FAM107A: variants seen among roughly 807,000 people sequenced by gnomAD.
FAM107A encodes the protein family with sequence similarity 107 member A.
A neutral mutation model predicts 13.7 loss-of-function variants in FAM107A; 19 were observed. The ratio of observed to expected loss-of-function variants is 1.38; its 90% CI spans 0.97 to 2.03. The LOEUF (loss-of-function observed/expected upper bound fraction) is 2.03. FAM107A is among the 30% of genes most tolerant of loss of function. The probability of loss-of-function intolerance (pLI) is 0.00; values close to 1 mark genes in which losing one functional copy is unlikely to be tolerated. For missense variants in FAM107A, 203 were observed against 184.4 expected, an observed-to-expected ratio of 1.10 and a Z score of -0.58; for synonymous variants, 82 against 74.5, an observed-to-expected ratio of 1.10 and a Z score of -0.52.
intron 2 of FAM107A, among the ~76,000 whole-genome samples, chr3:58,567,839 G>T (rs1275982696): frequency 6.6e-6 from 1 of 152,162 alleles, no homozygotes; most frequent in African/African-American, 2.4e-5. Context: ...AGGCCAGAAA[G>T]AATATCTGCT....
At chr3:58,568,631 TA>T (rs2063648804) in intron 2 of FAM107A, among the ~76,000 whole-genome samples, 1 of 151,954 alleles carries the variant, frequency 6.6e-6, no homozygotes, top group African/African-American at 2.4e-5. Context: ...ATGCTCATAT[TA>T]TAATACTAAT....
chr3:58,600,911 C>T (rs973155978), intron 1 of FAM107A, among the ~76,000 whole-genome samples: 1 of 152,304 alleles, frequency 6.6e-6, no homozygotes. Context: ...TCCCTTCGGG[C>T]ACCAGAGCCA....
intron 1 of FAM107A, among the ~76,000 whole-genome samples, chr3:58,601,307 T>G (rs1193218200): frequency 6.6e-6 from 1 of 152,206 alleles, no homozygotes; most frequent in Non-Finnish European, 1.5e-5. Flanking sequence ...AAGTAATTTC[T>G]TATGCATCTC....
intron 1 of FAM107A, among the ~76,000 whole-genome samples, chr3:58,622,390 G>A (rs890500410): frequency 8.5e-5 from 13 of 152,212 alleles, no homozygotes; most frequent in African/African-American, 3.1e-4. Context: ...GTTGTGAGCT[G>A]AGATTGTGCC....
intron 1 of FAM107A, chr3:58,574,298 C>A (rs906933928): frequency 2.0e-5 from 3 of 152,232 alleles, no homozygotes; most frequent in Non-Finnish European, 2.9e-5. Flanking sequence ...AATTCCAGTG[C>A]CTGAGTCCCA....
chr3:58,610,822 C>A (rs1295438680), intron 1 of FAM107A, among the ~76,000 whole-genome samples: 1 of 152,208 alleles, frequency 6.6e-6, no homozygotes, highest in Non-Finnish European at 1.5e-5. Flanking sequence ...TTTGACTTGG[C>A]TGCTTCACAC....
upstream of FAM107A, among the ~76,000 whole-genome samples, chr3:58,591,515 A>T (rs944551260): frequency 6.6e-6 from 1 of 152,012 alleles, no homozygotes; most frequent in African/African-American, 2.4e-5. The surrounding 1 kb of genome is among the most constrained non-coding windows in gnomAD (Gnocchi z 4.3). Flanking sequence ...CATGCCTCAT[A>T]CTCCAACCAC....
intron 1 of FAM107A, chr3:58,586,748 G>T: frequency 8.8e-7 from 1 of 1,133,254 alleles, no homozygotes; most frequent in Non-Finnish European, 1.2e-6. Flanking sequence ...AAGAAGCAGA[G>T]CAACGAAGCA....
At chr3:58,606,024 T>A (rs2108074097) in intron 1 of FAM107A, among the ~76,000 whole-genome samples, 1 of 152,324 alleles carries the variant, frequency 6.6e-6, no homozygotes, top group East Asian at 1.9e-4. Context: ...ATACCTTAAT[T>A]CCTGTTTCTG....
chr3:58,585,141 TG>T (rs972335974), intron 1 of FAM107A, among the ~76,000 whole-genome samples: 1 of 152,140 alleles, frequency 6.6e-6, no homozygotes, highest in Non-Finnish European at 1.5e-5. Flanking sequence ...GTGCAGCCCC[TG>T]GAAACACTCC....
At chr3:58,598,632 T>C (rs1274621482) in intron 1 of FAM107A, among the ~76,000 whole-genome samples, 1 of 152,206 alleles carries the variant, frequency 6.6e-6, no homozygotes, top group Non-Finnish European at 1.5e-5. Context: ...CTGTAAACAT[T>C]CGGAACAACT....
chr3:58,603,253 G>A (rs1424930111), intron 1 of FAM107A, among the ~76,000 whole-genome samples: 1 of 152,138 alleles, frequency 6.6e-6, no homozygotes, highest in Non-Finnish European at 1.5e-5. Flanking sequence ...TCCCAGGCCT[G>A]TCTTTAGTTA....
At chr3:58,586,435 A>T (rs2065606244) in intron 1 of FAM107A, among the ~76,000 whole-genome samples, 1 of 152,232 alleles carries the variant, frequency 6.6e-6, no homozygotes, top group African/African-American at 2.4e-5. Flanking sequence ...AGGAAGAAAA[A>T]AAAAGTAATT....
At chr3:58,627,352 C>T (rs552381052) in intron 1 of FAM107A, 17 of 285,740 alleles carry the variant, frequency 5.9e-5, no homozygotes, top group Admixed American at 4.4e-4. Context: ...TCATCACACA[C>T]CGGTAGCTCA....
At chr3:58,599,696 ATTTTTTTT>A (rs57244654) in intron 1 of FAM107A, among the ~76,000 whole-genome samples, 25 of 78,570 alleles carry the variant, frequency 3.2e-4, no homozygotes, top group Admixed American at 5.1e-4. Context: ...CAAGTGCACC[ATTTTTTTT>A]TTTTTTTTTT....
chr3:58,615,970 C>A (rs1438664032), intron 1 of FAM107A, among the ~76,000 whole-genome samples: 1 of 149,400 alleles, frequency 6.7e-6, no homozygotes, highest in Admixed American at 6.7e-5. Context: ...ATGAGGAGAC[C>A]TAGGGAAAGG....
intron 1 of FAM107A, chr3:58,573,500 C>G (rs1204327801): frequency 6.6e-6 from 1 of 152,374 alleles, no homozygotes; most frequent in Admixed American, 6.5e-5. Flanking sequence ...CCGAGAGATC[C>G]AAGACTCTGG....
upstream of FAM107A, among the ~76,000 whole-genome samples, chr3:58,589,937 C>T (rs1480360453): frequency 2.6e-5 from 4 of 152,164 alleles, no homozygotes; most frequent in Admixed American, 2.6e-4. Flanking sequence ...TTCTTCTTAC[C>T]TTCCTGGCAA....
chr3:58,568,797 A>C (rs2063650671), intron 2 of FAM107A, among the ~76,000 whole-genome samples: 1 of 152,220 alleles, frequency 6.6e-6, no homozygotes, highest in African/African-American at 2.4e-5. Flanking sequence ...TCACGCTGTT[A>C]CTGGTTAGCA....
Sources: gnomAD v4.1 joint callset for allele counts (sites outside exome capture counted in the v4.1 genomes callset) on GRCh38, gnomAD v4.1.1 for gene constraint, Gnocchi (gnomAD v3.1) non-coding constraint, MANE v1.5 for transcripts, NCBI Gene and HGNC (gene_info 2026-07-23, HGNC 2026-07-21) for gene names.